ZFAND3: variants seen among roughly 807,000 people sequenced by gnomAD.
The protein encoded by ZFAND3 is AN1-type zinc finger protein 3.
Under a neutral mutation model 29.6 loss-of-function variants are expected in ZFAND3, and 10 were observed. The observed-to-expected ratio is 0.34, with a 90% CI of 0.21 to 0.57. The LOEUF is 0.57. Ranked by LOEUF, ZFAND3 falls within the 20% of genes least tolerant of loss-of-function variation. The pLI is 0.86. For synonymous variants in ZFAND3, 128 were observed against 112.6 expected (o/e 1.14, Z -0.87); for missense variants, 230 against 304.5 (o/e 0.76, Z 1.82).
intron 2 of ZFAND3, among the ~76,000 whole-genome samples, chr6:38,006,034 A>G (rs546118466): frequency 6.6e-6 from 1 of 152,190 alleles, no homozygotes; most frequent in South Asian, 2.1e-4. Flanking sequence ...GACTTCAGCA[A>G]CTCTTCTCTG....
intron 2 of ZFAND3, among the ~76,000 whole-genome samples, chr6:37,980,610 A>G (rs959254523): frequency 4.6e-5 from 7 of 152,184 alleles, no homozygotes; most frequent in African/African-American, 1.7e-4. Flanking sequence ...CTCCTGCACA[A>G]TACATCCCCT....
At chr6:37,898,226 A>AT (rs1202531639) in intron 1 of ZFAND3, among the ~76,000 whole-genome samples, 8 of 150,892 alleles carry the variant, frequency 5.3e-5, no homozygotes, top group Non-Finnish European at 7.4e-5. Flanking sequence ...GTGAAAGTTC[A>AT]TTTTTTTTTC....
intron 2 of ZFAND3, among the ~76,000 whole-genome samples, chr6:37,946,691 G>A (rs1207636199): frequency 1.3e-5 from 2 of 152,142 alleles, no homozygotes; most frequent in Non-Finnish European, 2.9e-5. Flanking sequence ...TGATGTTTAT[G>A]CTGTTTTGGA....
chr6:37,840,282 A>G (rs562967850), intron 1 of ZFAND3, among the ~76,000 whole-genome samples: 6 of 152,186 alleles, frequency 3.9e-5, no homozygotes, highest in African/African-American at 1.4e-4. Flanking sequence ...TATTTTTGGT[A>G]GAGATGGGGT....
At chr6:38,093,250 A>G (rs1244637955) in intron 4 of ZFAND3, among the ~76,000 whole-genome samples, 1 of 152,228 alleles carries the variant, frequency 6.6e-6, no homozygotes, top group Non-Finnish European at 1.5e-5. Context: ...TGATTAAGAT[A>G]TGTTTGAAAA....
chr6:37,937,238 A>G (rs1416538679), intron 2 of ZFAND3, among the ~76,000 whole-genome samples: 2 of 152,238 alleles, frequency 1.3e-5, no homozygotes, highest in Non-Finnish European at 2.9e-5. Flanking sequence ...CCTTTTAGAA[A>G]TGTAGGAACT....
intron 1 of ZFAND3, among the ~76,000 whole-genome samples, chr6:37,829,024 C>T (rs1001419876): frequency 6.6e-6 from 1 of 152,086 alleles, no homozygotes; most frequent in Non-Finnish European, 1.5e-5. Context: ...CTTATGTGTT[C>T]GTGTGTGAAA....
chr6:38,067,628 G>T (rs1033996518), intron 3 of ZFAND3, among the ~76,000 whole-genome samples: 3 of 152,178 alleles, frequency 2.0e-5, no homozygotes, highest in African/African-American at 2.4e-5. Flanking sequence ...GATTTTTTCT[G>T]AGGGAGATAA....
At chr6:38,066,869 A>G (rs1032670801) in intron 3 of ZFAND3, among the ~76,000 whole-genome samples, 2 of 152,248 alleles carry the variant, frequency 1.3e-5, no homozygotes, top group Non-Finnish European at 2.9e-5. Flanking sequence ...TGAAGCAGGT[A>G]TCTAAAAGCT....
chr6:38,140,809 A>C (rs1029052486), intron 5 of ZFAND3, among the ~76,000 whole-genome samples: 2 of 152,236 alleles, frequency 1.3e-5, no homozygotes, highest in Non-Finnish European at 2.9e-5. Flanking sequence ...TTAGTGGGCT[A>C]TCCATTCAGT....
intron 2 of ZFAND3, among the ~76,000 whole-genome samples, chr6:37,945,048 A>G (rs1761877479): frequency 1.3e-5 from 2 of 152,148 alleles, no homozygotes. Context: ...GTGCTCCCGG[A>G]ACTGTCTTGG....
chr6:38,060,368 TCTCCC>T (rs1320715239), intron 2 of ZFAND3, among the ~76,000 whole-genome samples: 1 of 151,832 alleles, frequency 6.6e-6, no homozygotes, highest in African/African-American at 2.4e-5. Flanking sequence ...CATCCTCTCC[TCTCCC>T]CTCCCGTTTT....
At chr6:37,975,439 A>G (rs1452703500) in intron 2 of ZFAND3, among the ~76,000 whole-genome samples, 1 of 152,032 alleles carries the variant, frequency 6.6e-6, no homozygotes, top group Non-Finnish European at 1.5e-5. Context: ...TATAACAGTG[A>G]GTTTTGAAGA....
chr6:37,950,668 C>T (rs1363922096), intron 2 of ZFAND3, among the ~76,000 whole-genome samples: 2 of 152,020 alleles, frequency 1.3e-5, no homozygotes, highest in African/African-American at 2.4e-5. Flanking sequence ...GGTGAGCCAC[C>T]GTGCCCTACC....
At chr6:38,021,625 GTCT>G (rs1763351589) in intron 2 of ZFAND3, among the ~76,000 whole-genome samples, 1 of 152,202 alleles carries the variant, frequency 6.6e-6, no homozygotes, top group South Asian at 2.1e-4. Flanking sequence ...ACCATAATCT[GTCT>G]TCTTGTGGTA....
intron 1 of ZFAND3, among the ~76,000 whole-genome samples, chr6:37,837,846 G>A (rs1323027261): frequency 1.3e-5 from 2 of 152,114 alleles, no homozygotes; most frequent in East Asian, 1.9e-4. Context: ...AGAGAACAGC[G>A]TGTATACCAA....
At chr6:37,846,436 A>G (rs1581704743) in intron 1 of ZFAND3, among the ~76,000 whole-genome samples, 1 of 152,176 alleles carries the variant, frequency 6.6e-6, no homozygotes, top group Non-Finnish European at 1.5e-5. Context: ...CTTTAAAATA[A>G]AAGGGAAAAT....
At chr6:38,011,487 A>G (rs1240878695) in intron 2 of ZFAND3, among the ~76,000 whole-genome samples, 1 of 152,136 alleles carries the variant, frequency 6.6e-6, no homozygotes, top group Non-Finnish European at 1.5e-5. Context: ...CAGTCTTTAA[A>G]AAATTTTGGT....
At chr6:37,874,324 T>A (rs1439917879) in intron 1 of ZFAND3, among the ~76,000 whole-genome samples, 1 of 152,086 alleles carries the variant, frequency 6.6e-6, no homozygotes, top group African/African-American at 2.4e-5. Context: ...GAGAACAGCC[T>A]GATCAACACG....
Sources: gnomAD v4.1 joint callset for allele counts (sites outside exome capture counted in the v4.1 genomes callset) on GRCh38, gnomAD v4.1.1 for gene constraint, MANE v1.5 for transcripts, NCBI Gene and HGNC (gene_info 2026-07-23, HGNC 2026-07-21) for gene names.